CADM1: variants seen among roughly 807,000 people sequenced by gnomAD.
CADM1 encodes TSLC-1.
In CADM1, 15 loss-of-function variants were observed where a neutral mutation model predicts 53.1. The ratio of observed to expected loss-of-function variants is 0.28; its 90% CI spans 0.19 to 0.44. The LOEUF (loss-of-function observed/expected upper bound fraction) is 0.44, where lower values mean the gene tolerates loss of function less well. Among genes scored for constraint, CADM1 ranks in the 20% least tolerant of loss-of-function variants. CADM1 has a pLI of 1.00. For synonymous variants in CADM1, 281 were observed against 243.0 expected (o/e 1.16, Z -1.45); for missense variants, 434 against 611.3 (o/e 0.71, Z 3.06).
intron 1 of CADM1, among the ~76,000 whole-genome samples, chr11:115,412,109 T>C (rs535192255): frequency 6.6e-6 from 1 of 152,360 alleles, no homozygotes; most frequent in South Asian, 2.1e-4. Flanking sequence ...AGCTTTATAA[T>C]GCGAACTTAA....
intron 1 of CADM1, among the ~76,000 whole-genome samples, chr11:115,500,408 T>G (rs1949704722): frequency 6.6e-6 from 1 of 152,208 alleles, no homozygotes; most frequent in Non-Finnish European, 1.5e-5. Flanking sequence ...CAGTTTATAT[T>G]CATAGCAATC....
intron 1 of CADM1, among the ~76,000 whole-genome samples, chr11:115,414,081 T>A (rs1947530933): frequency 6.6e-6 from 1 of 152,158 alleles, no homozygotes; most frequent in South Asian, 2.1e-4. Context: ...ACACAAAGCA[T>A]ACAATTGTTA....
intron 10 of CADM1, among the ~76,000 whole-genome samples, chr11:115,184,542 T>G (rs1939455166): frequency 6.6e-6 from 1 of 152,212 alleles, no homozygotes; most frequent in Non-Finnish European, 1.5e-5. Context: ...TAATATATAT[T>G]GGAGCACACT....
At chr11:115,233,202 T>G (rs965130635) in intron 3 of CADM1, among the ~76,000 whole-genome samples, 2 of 152,192 alleles carry the variant, frequency 1.3e-5, no homozygotes, top group Non-Finnish European at 2.9e-5. Context: ...GTTTCCCGTG[T>G]ACAAGGAAAA....
chr11:115,363,931 T>C lies in CADM1; in HGVS notation c.125-123511A>G, dbSNP rs1240486447. ...CACTGTGTTACAATTGCTTACTATA[T>C]TCATTACAGTAACATGCTGTACAGG... On this transcript the variant is annotated intron_variant, in intron 1 of 11. Transcript: ENST00000331581. 2.0e-5 allele frequency among the ~76,000 whole-genome samples: 3 copies of C among 152,190 alleles called. No individual in the cohort carries two copies. In the East Asian group the frequency reaches 5.8e-4, roughly 29 times the overall value.
intron 1 of CADM1, among the ~76,000 whole-genome samples, chr11:115,372,091 A>G (rs576394547): frequency 6.6e-6 from 1 of 152,220 alleles, no homozygotes; most frequent in Non-Finnish European, 1.5e-5. Context: ...CAGTGAAGGT[A>G]TAATTCATTG....
intron 1 of CADM1, among the ~76,000 whole-genome samples, chr11:115,423,914 G>A (rs142204809): frequency 2.6e-5 from 4 of 152,204 alleles, no homozygotes; most frequent in Admixed American, 6.5e-5. Context: ...AAATCTTCAG[G>A]TTGCCACAGC....
chr11:115,249,593 A>G (rs983468085), intron 1 of CADM1, among the ~76,000 whole-genome samples: 1 of 152,236 alleles, frequency 6.6e-6, no homozygotes, highest in African/African-American at 2.4e-5. Flanking sequence ...ATATTTGAAA[A>G]CCACAAAGGA....
chr11:115,264,258 G>A (rs1252560687), intron 1 of CADM1, among the ~76,000 whole-genome samples: 2 of 152,146 alleles, frequency 1.3e-5, no homozygotes, highest in Non-Finnish European at 2.9e-5. Context: ...AATACAAACG[G>A]AACTTCCTTT....
chr11:115,376,393 TATG>T (rs1023231604), intron 1 of CADM1, among the ~76,000 whole-genome samples: 50 of 152,226 alleles, frequency 3.3e-4, no homozygotes, highest in Non-Finnish European at 5.9e-4. Flanking sequence ...CTAAAAGAAA[TATG>T]ATGAGAAAAT....
chr11:115,432,411 G>A (rs1450068743), intron 1 of CADM1, among the ~76,000 whole-genome samples: 3 of 152,072 alleles, frequency 2.0e-5, no homozygotes, highest in South Asian at 2.1e-4. Flanking sequence ...ATGAACTTAT[G>A]CATTATAATT....
At chr11:115,292,166 T>G (rs1943923634) in intron 1 of CADM1, among the ~76,000 whole-genome samples, 1 of 152,178 alleles carries the variant, frequency 6.6e-6, no homozygotes, top group Non-Finnish European at 1.5e-5. Context: ...GACAACCTTG[T>G]TCAAGTCTAA....
At chr11:115,380,793 A>C (rs1173607859) in intron 1 of CADM1, among the ~76,000 whole-genome samples, 1 of 152,168 alleles carries the variant, frequency 6.6e-6, no homozygotes, top group Non-Finnish European at 1.5e-5. Flanking sequence ...TTTGGATGAG[A>C]ATCAAATCAT....
intron 1 of CADM1, among the ~76,000 whole-genome samples, chr11:115,422,444 G>T (rs1368808853): frequency 2.6e-5 from 4 of 152,182 alleles, no homozygotes; most frequent in African/African-American, 9.7e-5. Context: ...TCTTCAAGAA[G>T]ATGATCTCCA....
At chr11:115,414,473 GA>G (rs1367032821) in intron 1 of CADM1, among the ~76,000 whole-genome samples, 25 of 151,864 alleles carry the variant, frequency 1.6e-4, no homozygotes, top group Non-Finnish European at 3.1e-4. Flanking sequence ...CATATACAAA[GA>G]AAACAGACTG....
intron 1 of CADM1, among the ~76,000 whole-genome samples, chr11:115,319,988 C>T (rs994499755): frequency 5.9e-5 from 9 of 152,118 alleles, no homozygotes; most frequent in Non-Finnish European, 1.2e-4. Context: ...ACAAAAAAAT[C>T]GGCAAGTTAC....
At chr11:115,496,809 A>G (rs1239764919) in intron 1 of CADM1, among the ~76,000 whole-genome samples, 2 of 152,132 alleles carry the variant, frequency 1.3e-5, no homozygotes, top group African/African-American at 4.8e-5. Flanking sequence ...GGAGGGGAAA[A>G]AAGACTCCAA....
At chr11:115,503,219 G>T (rs57344372) in intron 1 of CADM1, among the ~76,000 whole-genome samples, 1 of 152,234 alleles carries the variant, frequency 6.6e-6, no homozygotes, top group East Asian at 1.9e-4. Context: ...GTTAGCAAAA[G>T]CAAACACTGC....
chr11:115,457,565 C>T (rs1948707038), intron 1 of CADM1, among the ~76,000 whole-genome samples: 1 of 152,060 alleles, frequency 6.6e-6, no homozygotes. Context: ...GTCTTGCCAG[C>T]AAATCCTTAA....
Sources: allele counts gnomAD v4.1 joint callset (sites outside exome capture counted in the v4.1 genomes callset), GRCh38; gene constraint gnomAD v4.1.1; transcripts MANE v1.5; gene names NCBI Gene and HGNC (gene_info 2026-07-23, HGNC 2026-07-21).